The following PRKG1 variants were observed in gnomAD, a reference collection of about 807,000 sequenced individuals.
The protein encoded by PRKG1 is protein kinase cGMP-dependent 1, also known as cGMP-dependent protein kinase 1.
A neutral mutation model predicts 88.1 loss-of-function variants in PRKG1; 35 were observed. The observed-to-expected ratio is 0.40, with a 90% CI of 0.30 to 0.53. The LOEUF (loss-of-function observed/expected upper bound fraction) is 0.53, where lower values mean the gene tolerates loss of function less well. Ranked by LOEUF, PRKG1 falls within the 20% of genes least tolerant of loss-of-function variation. The probability of loss-of-function intolerance (pLI) is 0.59; values close to 1 mark genes in which losing one functional copy is unlikely to be tolerated. For synonymous variants in PRKG1, 303 were observed against 292.5 expected (o/e 1.04, Z -0.37); for missense variants, 540 against 839.8 (o/e 0.64, Z 4.41).
chr10:51,718,875 G>T (rs1841948127), intron 3 of PRKG1, among the ~76,000 whole-genome samples: 1 of 151,756 alleles, frequency 6.6e-6, no homozygotes, highest in Non-Finnish European at 1.5e-5. Context: ...GGCCAGGTGT[G>T]GTGGCTCATG....
At chr10:51,797,724 A>G (rs1802151010) in intron 3 of PRKG1, among the ~76,000 whole-genome samples, 1 of 151,408 alleles carries the variant, frequency 6.6e-6, no homozygotes, top group African/African-American at 2.4e-5. Context: ...ACATTGTGCA[A>G]CCATCACTAT....
intron 3 of PRKG1, among the ~76,000 whole-genome samples, chr10:51,680,194 G>T (rs1167232084): frequency 6.6e-6 from 1 of 151,814 alleles, no homozygotes; most frequent in Admixed American, 6.6e-5. Flanking sequence ...CCGGATAAAA[G>T]GTAGCTGATA....
intron 2 of PRKG1, among the ~76,000 whole-genome samples, chr10:51,226,106 A>G (rs1838686241): frequency 6.6e-6 from 1 of 152,140 alleles, no homozygotes; most frequent in African/African-American, 2.4e-5. Context: ...CAGAAGGCTG[A>G]GGCATGAGAA....
At chr10:51,139,011 TCTCCGTGTAAACTTACCACAGTAAG>T (rs889801112) in intron 1 of PRKG1, among the ~76,000 whole-genome samples, 1 of 152,074 alleles carries the variant, frequency 6.6e-6, no homozygotes, top group Admixed American at 6.5e-5. Flanking sequence ...TGAGACCTAC[TCTCCGTGTAAACTTACCACAGTAAG>T]CGTTGTAGAC....
At chr10:52,212,277 T>G (rs192020514) in intron 9 of PRKG1, among the ~76,000 whole-genome samples, 45 of 152,328 alleles carry the variant, frequency 3.0e-4, no homozygotes, top group African/African-American at 1.0e-3. Flanking sequence ...GTGATTGGCC[T>G]AAGCGCTCTG....
intron 2 of PRKG1, among the ~76,000 whole-genome samples, chr10:51,239,804 T>A (rs1255355343): frequency 6.6e-6 from 1 of 152,194 alleles, no homozygotes; most frequent in Non-Finnish European, 1.5e-5. Flanking sequence ...TCTGGTGGTA[T>A]AACCTCAGGC....
At chr10:52,216,452 T>C (rs1409653085) in intron 9 of PRKG1, among the ~76,000 whole-genome samples, 1 of 152,210 alleles carries the variant, frequency 6.6e-6, no homozygotes, top group Non-Finnish European at 1.5e-5. Flanking sequence ...GCAAAGAGTT[T>C]TGACAATAAG....
intron 5 of PRKG1, chr10:51,908,733 A>ATTTTTT (rs60587885): frequency 7.6e-5 from 10 of 131,662 alleles, no homozygotes; most frequent in African/African-American, 2.6e-4. Context: ...ATCTATATGT[A>ATTTTTT]ATTTTTTTTT....
intron 3 of PRKG1, among the ~76,000 whole-genome samples, chr10:51,701,114 T>G (rs1841454531): frequency 6.6e-6 from 1 of 152,214 alleles, no homozygotes; most frequent in African/African-American, 2.4e-5. Context: ...ATTTTGAAGT[T>G]AATGTTATTC....
At chr10:51,507,068 A>G (rs1243689856) in intron 3 of PRKG1, among the ~76,000 whole-genome samples, 1 of 151,276 alleles carries the variant, frequency 6.6e-6, no homozygotes, top group African/African-American at 2.4e-5. Context: ...ACCAAACACC[A>G]CATGTTCTCA....
Position 51,818,351 on chromosome 10 carries a change from C to T in PRKG1, c.698+13661C>T, listed in dbSNP as rs553727671. Among the ~76,000 whole-genome samples, 8 of 152,146 alleles carry T rather than the reference C, an allele frequency of 5.3e-5. No homozygotes were observed. The South Asian group carries it at 1.0e-3, about 20-fold the overall frequency. ...TCTAACATCTAGTTAGTCTTTCTAG[C>T]ACTAAACAGTTTCTACTTAACTTCG... On this transcript the variant is annotated intron_variant, in intron 4 of 17. Coordinates refer to ENST00000373980, the MANE Select transcript of PRKG1 (RefSeq NM_006258.4).
chr10:51,712,263 G>C (rs1018190225), intron 3 of PRKG1, among the ~76,000 whole-genome samples: 2 of 152,130 alleles, frequency 1.3e-5, no homozygotes, highest in Admixed American at 1.3e-4. Flanking sequence ...AGTATAGAGA[G>C]GGCACCTCTT....
chr10:51,002,607 A>G (rs1842900796), intron 1 of PRKG1, among the ~76,000 whole-genome samples: 1 of 152,132 alleles, frequency 6.6e-6, no homozygotes, highest in Non-Finnish European at 1.5e-5. Context: ...TTGGATCAAT[A>G]TTCCCTCAGA....
At chr10:51,710,489 C>T (rs1193418642) in intron 3 of PRKG1, among the ~76,000 whole-genome samples, 1 of 152,166 alleles carries the variant, frequency 6.6e-6, no homozygotes, top group African/African-American at 2.4e-5. Context: ...ACTAACAGCT[C>T]CTCACACACC....
At chr10:51,569,690 A>G (rs1387516007) in intron 3 of PRKG1, among the ~76,000 whole-genome samples, 1 of 151,974 alleles carries the variant, frequency 6.6e-6, no homozygotes, top group African/African-American at 2.4e-5. Flanking sequence ...TTTCATACAG[A>G]GCAGTTTGAG....
intron 5 of PRKG1, among the ~76,000 whole-genome samples, chr10:52,044,578 GTTGT>G (rs1374549204): frequency 3.3e-5 from 5 of 152,130 alleles, no homozygotes; most frequent in Non-Finnish European, 7.4e-5. Flanking sequence ...TTATCAAAGT[GTTGT>G]TTGTTGTAGT....
At chr10:51,206,177 G>T (rs1021835483) in intron 2 of PRKG1, among the ~76,000 whole-genome samples, 3 of 151,982 alleles carry the variant, frequency 2.0e-5, no homozygotes, top group Non-Finnish European at 4.4e-5. Context: ...AACTGTGAGG[G>T]GCTACTTGCC....
chr10:52,086,516 T>C (rs917819903), intron 7 of PRKG1, among the ~76,000 whole-genome samples: 1 of 151,770 alleles, frequency 6.6e-6, no homozygotes, highest in Non-Finnish European at 1.5e-5. Context: ...GCAATTTTCC[T>C]GCCTCAGCCT....
chr10:51,890,068 T>C (rs1479861327), intron 4 of PRKG1, among the ~76,000 whole-genome samples: 2 of 152,188 alleles, frequency 1.3e-5, no homozygotes, highest in Non-Finnish European at 1.5e-5. Context: ...TTTAATTAGA[T>C]CCCATTTGTC....
Sources: allele counts gnomAD v4.1 joint callset (sites outside exome capture counted in the v4.1 genomes callset), GRCh38; gene constraint gnomAD v4.1.1; transcripts MANE v1.5; gene names NCBI Gene and HGNC (gene_info 2026-07-23, HGNC 2026-07-21).